The following PDE7B variants were observed in gnomAD, a reference collection of about 807,000 sequenced individuals.
The protein encoded by PDE7B is phosphodiesterase 7B.
A neutral mutation model predicts 56.2 loss-of-function variants in PDE7B; 29 were observed. That is an observed-to-expected ratio of 0.52 (90% CI 0.38 to 0.70). The LOEUF is 0.70. PDE7B is among the 30% of genes least tolerant of loss of function. PDE7B has a pLI of 0.00. For synonymous variants in PDE7B, 197 were observed against 196.9 expected, an observed-to-expected ratio of 1.00 and a Z score of 0.00; for missense variants, 490 against 565.0, an observed-to-expected ratio of 0.87 and a Z score of 1.35.
intron 3 of PDE7B, among the ~76,000 whole-genome samples, chr6:136,109,893 A>G (rs1195487232): frequency 6.6e-6 from 1 of 152,182 alleles, no homozygotes; most frequent in African/African-American, 2.4e-5. Flanking sequence ...CTTCCCATCT[A>G]TAAATTTCAA....
At chr6:135,891,180 A>G (rs1775803924) in intron 1 of PDE7B, among the ~76,000 whole-genome samples, 1 of 152,226 alleles carries the variant, frequency 6.6e-6, no homozygotes, top group Admixed American at 6.5e-5. Context: ...TTCTGACAAG[A>G]TCTGAACTAT....
intron 1 of PDE7B, among the ~76,000 whole-genome samples, chr6:135,903,132 A>G (rs1776035417): frequency 6.6e-6 from 1 of 152,182 alleles, no homozygotes; most frequent in South Asian, 2.1e-4. Flanking sequence ...GGTAATGTGG[A>G]ATAATGACAT....
intron 2 of PDE7B, among the ~76,000 whole-genome samples, chr6:135,983,415 T>C (rs1775327860): frequency 6.6e-6 from 1 of 152,192 alleles, no homozygotes; most frequent in Admixed American, 6.6e-5. Context: ...GTAATATCAG[T>C]TGAGTATTTT....
chr6:136,043,421 C>T (rs367553488), intron 2 of PDE7B, among the ~76,000 whole-genome samples: 1 of 152,014 alleles, frequency 6.6e-6, no homozygotes, highest in East Asian at 1.9e-4. Flanking sequence ...ATGTTGAGAT[C>T]TTAAAAGTTT....
intron 6 of PDE7B, 43 bp from the exon 7 acceptor site, chr6:136,154,032 C>T (rs1171077811): frequency 7.5e-6 from 10 of 1,324,890 alleles, no homozygotes; most frequent in South Asian, 3.6e-5. Flanking sequence ...TATACCACTC[C>T]TATTTGGGTT....
intron 2 of PDE7B, among the ~76,000 whole-genome samples, chr6:136,005,644 A>T (rs1775768517): frequency 6.6e-6 from 1 of 152,182 alleles, no homozygotes; most frequent in Admixed American, 6.5e-5. Flanking sequence ...GCAAATCAAA[A>T]CCACAATGAG....
intron 2 of PDE7B, among the ~76,000 whole-genome samples, chr6:136,042,171 A>T (rs80223108): frequency 0.015 from 2,229 of 152,318 alleles, 61 homozygotes; most frequent in African/African-American, 0.049. Flanking sequence ...CCAAGGAAAG[A>T]TCCCCAACTG....
At chr6:136,097,633 A>G (rs890531405) in intron 2 of PDE7B, among the ~76,000 whole-genome samples, 2 of 152,138 alleles carry the variant, frequency 1.3e-5, no homozygotes, top group African/African-American at 4.8e-5. Context: ...TTCTATTAAA[A>G]TCATTTCATG....
At chr6:135,883,243 A>G (rs928744608) in intron 1 of PDE7B, among the ~76,000 whole-genome samples, 1 of 152,196 alleles carries the variant, frequency 6.6e-6, no homozygotes, top group African/African-American at 2.4e-5. Context: ...ATGCGGCTCA[A>G]TTGGACATAC....
At chr6:135,946,835 C>G (rs1465065060) in intron 1 of PDE7B, among the ~76,000 whole-genome samples, 1 of 152,034 alleles carries the variant, frequency 6.6e-6, no homozygotes, top group East Asian at 1.9e-4. Context: ...CAACTGTGGC[C>G]TGTTCTTAAA....
intron 1 of PDE7B, among the ~76,000 whole-genome samples, chr6:135,893,216 C>A (rs2128190414): frequency 8.6e-6 from 1 of 115,784 alleles, no homozygotes; most frequent in Non-Finnish European, 1.7e-5. Context: ...TGTCCCTCCC[C>A]CCTCCCCCCA....
intron 8 of PDE7B, among the ~76,000 whole-genome samples, chr6:136,170,100 A>C (rs2128449646): frequency 6.6e-6 from 1 of 152,222 alleles, no homozygotes; most frequent in African/African-American, 2.4e-5. Context: ...TGTTTTCCTA[A>C]TGGAGCATTG....
intron 3 of PDE7B, among the ~76,000 whole-genome samples, chr6:136,109,649 C>A (rs531062388): frequency 1.6e-4 from 24 of 152,280 alleles, no homozygotes; most frequent in African/African-American, 5.3e-4. Flanking sequence ...TTGACTTCTA[C>A]CTTCCCCTCC....
intron 2 of PDE7B, among the ~76,000 whole-genome samples, chr6:135,985,140 T>TA (rs1775354996): frequency 6.6e-6 from 1 of 152,220 alleles, no homozygotes; most frequent in African/African-American, 2.4e-5. Context: ...TTTCTCTCTT[T>TA]GTGACTATTC....
intron 1 of PDE7B, among the ~76,000 whole-genome samples, chr6:135,871,691 T>C (rs1193666732): frequency 6.6e-6 from 1 of 152,208 alleles, no homozygotes; most frequent in African/African-American, 2.4e-5. Context: ...AGGAAGTCAC[T>C]AACTGTTCCG....
intron 2 of PDE7B, among the ~76,000 whole-genome samples, chr6:136,086,286 C>T (rs1164399647): frequency 6.6e-6 from 1 of 152,090 alleles, no homozygotes; most frequent in Non-Finnish European, 1.5e-5. Flanking sequence ...ATCAGTATCC[C>T]TTTCCAGTTC....
At chr6:136,011,764 T>C (rs1351611788) in intron 2 of PDE7B, among the ~76,000 whole-genome samples, 1 of 152,172 alleles carries the variant, frequency 6.6e-6, no homozygotes, top group African/African-American at 2.4e-5. Context: ...ATCGCTGACA[T>C]TCCAGAGTGG....
At chr6:136,065,614 T>C (rs1384985300) in intron 2 of PDE7B, among the ~76,000 whole-genome samples, 1 of 152,172 alleles carries the variant, frequency 6.6e-6, no homozygotes, top group Non-Finnish European at 1.5e-5. Context: ...CCATACATGT[T>C]GCTTTCCAAA....
chr6:136,177,487 A>G (rs1261435241), intron 9 of PDE7B, among the ~76,000 whole-genome samples: 1 of 152,192 alleles, frequency 6.6e-6, no homozygotes, highest in Non-Finnish European at 1.5e-5. Context: ...GAGTAGACAA[A>G]AACTAGAGTA....
Sources: allele counts gnomAD v4.1 joint callset (sites outside exome capture counted in the v4.1 genomes callset), GRCh38; gene constraint gnomAD v4.1.1; transcripts MANE v1.5; gene names NCBI Gene and HGNC (gene_info 2026-07-23, HGNC 2026-07-21).